The following SAMD8 variants were observed in gnomAD, a reference collection of about 807,000 sequenced individuals.
SAMD8 encodes the protein sphingomyelin synthase-related protein 1.
Under a neutral mutation model 42.0 loss-of-function variants are expected in SAMD8, and 20 were observed. That is an observed-to-expected ratio of 0.48 (90% CI 0.34 to 0.69). The LOEUF (loss-of-function observed/expected upper bound fraction) is 0.69. Among genes scored for constraint, SAMD8 ranks in the 30% least tolerant of loss-of-function variants. The probability of loss-of-function intolerance (pLI) is 0.01; values close to 1 mark genes in which losing one functional copy is unlikely to be tolerated. For missense variants in SAMD8, 328 were observed against 511.6 expected (o/e 0.64, Z 3.46); for synonymous variants, 162 against 173.0 (o/e 0.94, Z 0.50).
intron 1 of SAMD8, among the ~76,000 whole-genome samples, chr10:75,119,277 A>C (rs7072512): frequency 0.56 from 84,221 of 151,620 alleles, 25,228 homozygotes; most frequent in East Asian, 0.9. Flanking sequence ...GCCTCAGCCT[A>C]CTGAGTAGCT....
intron 1 of SAMD8, among the ~76,000 whole-genome samples, chr10:75,100,300 G>A (rs1383746886): frequency 2.0e-5 from 3 of 152,086 alleles, no homozygotes; most frequent in East Asian, 1.9e-4. Flanking sequence ...TGGACTTAGC[G>A]CTATGCCTGG....
At chr10:75,121,146 C>A (rs974353322) in intron 1 of SAMD8, among the ~76,000 whole-genome samples, 5 of 152,190 alleles carry the variant, frequency 3.3e-5, no homozygotes, top group Admixed American at 3.3e-4. Context: ...ATGTATAATT[C>A]CATGCAATCT....
upstream of SAMD8, among the ~76,000 whole-genome samples, chr10:75,107,336 C>T (rs1036729156): frequency 1.3e-5 from 2 of 148,974 alleles, no homozygotes; most frequent in African/African-American, 5.0e-5. Flanking sequence ...AGCACTGAGA[C>T]TCTGTCTCAG....
At chr10:75,107,643 C>G, upstream of SAMD8, among the ~76,000 whole-genome samples, 1 of 152,026 alleles carries the variant, frequency 6.6e-6, no homozygotes, top group East Asian at 1.9e-4. Context: ...GTGGCATGAT[C>G]TCGGCTCACT....
At position 75,182,023 on chromosome 10, in the gene SAMD8, G is replaced by C. The variant is rs1454244711; in HGVS notation, c.*5331G>C. On this transcript the variant is annotated 3_prime_UTR_variant, in exon 6 of 6. Coordinates refer to ENST00000542569, the MANE Select transcript of SAMD8 (RefSeq NM_001174156.2). ...GTGTTTGTACATAAGTAAATATCTT[G>C]ATTCTAAATTAAATCCAGATTTAAC... The C allele has an allele frequency of 2.6e-5, 4 of 152,040 alleles. No homozygotes were observed. Among genetic ancestry groups the C allele is most frequent in the Non-Finnish European group, 2.9e-5 (2 of 68,012 alleles). 9.4% of individuals were successfully genotyped at this position (152,040 alleles called of 1,614,324 possible). A position where few individuals can be genotyped will look rare whatever the true frequency, so the allele number is the denominator to read the frequency against.
intron 1 of SAMD8, among the ~76,000 whole-genome samples, chr10:75,146,292 T>TTG (rs1840131800): frequency 7.0e-6 from 1 of 143,868 alleles, no homozygotes; most frequent in African/African-American, 2.6e-5. Context: ...TTTTTTTTTT[T>TTG]TTTTTTTTGG....
chr10:75,111,408 T>A, upstream of SAMD8: 1 of 847,348 alleles, frequency 1.2e-6, no homozygotes, highest in Non-Finnish European at 1.6e-6. Flanking sequence ...CGGGCCCATC[T>A]GGAGCCTCGC....
chr10:75,138,368 G>A (rs894540350), intron 1 of SAMD8, among the ~76,000 whole-genome samples: 2 of 152,192 alleles, frequency 1.3e-5, no homozygotes, highest in Admixed American at 1.3e-4. Flanking sequence ...AGTTGGAGAG[G>A]TAGGGTGGGG....
rs1342691137 is a variant in SAMD8, at chr10:75,176,293, T to G, written c.943+77T>G. 1 of 1,608,596 alleles carries G rather than the reference T, an allele frequency of 6.2e-7. No individual in the cohort carries two copies. Among genetic ancestry groups the G allele is most frequent in the South Asian group, 1.1e-5 (1 of 90,412 alleles). On this transcript the variant is annotated intron_variant, in intron 5 of 5. Coordinates refer to ENST00000542569, the MANE Select transcript of SAMD8 (RefSeq NM_001174156.2). The surrounding 1 kb of genome is among the most constrained non-coding windows in gnomAD (Gnocchi z 4.3). The stretch of plus-strand genomic sequence containing the variant: ...AGGCTGTGGGAAGGGTGTCAGATCC[T>G]GTGAAGAATGGCAAAACAGCCTGAC...
At chr10:75,164,821 A>G in intron 3 of SAMD8, 81 bp downstream of exon 3, 1 of 1,033,614 alleles carries the variant, frequency 9.7e-7, no homozygotes, top group Non-Finnish European at 1.5e-6. Flanking sequence ...TTCTCTTTGC[A>G]GTTTCCTTGT....
chr10:75,169,915 AAAAC>A (rs768899818), intron 4 of SAMD8, among the ~76,000 whole-genome samples: 10 of 152,336 alleles, frequency 6.6e-5, no homozygotes, highest in South Asian at 2.1e-4. Flanking sequence ...ATCTCAAAAC[AAAAC>A]AAACAAACAA....
rs534298907 is a variant in SAMD8, at chr10:75,112,999, C to T, written c.-16+1277C>T. ...TATCTCTTGAAAATTGGAGAGGTAC[C>T]TTTGACTGATTGGCAAAACCAATAT... On this transcript the variant is annotated intron_variant, in intron 1 of 5. Coordinates refer to ENST00000542569, the MANE Select transcript of SAMD8 (RefSeq NM_001174156.2). 7.9e-5 allele frequency among the ~76,000 whole-genome samples: 12 copies of T among 152,222 alleles called. No individual in the cohort carries two copies. In the East Asian group the frequency reaches 2.3e-3, roughly 29 times the overall value.
intron 1 of SAMD8, among the ~76,000 whole-genome samples, chr10:75,127,015 G>A (rs1475965241): frequency 1.3e-5 from 2 of 151,818 alleles, no homozygotes; most frequent in African/African-American, 2.4e-5. Context: ...TGGTGAAAAC[G>A]TGTCTCTACT....
chr10:75,142,768 A>C (rs927999203), intron 1 of SAMD8, among the ~76,000 whole-genome samples: 2 of 151,796 alleles, frequency 1.3e-5, no homozygotes, highest in African/African-American at 4.8e-5. Flanking sequence ...GGCCGGGTGC[A>C]GTGCCTCCCA....
chr10:75,147,350 G>A (rs554981761), intron 1 of SAMD8, among the ~76,000 whole-genome samples: 3 of 151,996 alleles, frequency 2.0e-5, no homozygotes, highest in East Asian at 3.9e-4. Context: ...TTTTTGAGAC[G>A]GAGTCTTACT....
At chr10:75,111,441 C>T (rs1381563296), upstream of SAMD8, 2 of 1,101,418 alleles carry the variant, frequency 1.8e-6, no homozygotes, top group African/African-American at 3.2e-5. Flanking sequence ...GTGGGCCCCG[C>T]CCCCTGCCGG....
At chr10:75,100,378 T>A (rs1589895902) in intron 1 of SAMD8, among the ~76,000 whole-genome samples, 1 of 152,214 alleles carries the variant, frequency 6.6e-6, no homozygotes, top group Non-Finnish European at 1.5e-5. Context: ...TCTAACCCAC[T>A]GGGACCCAGC....
chr10:75,135,149 C>T (rs1362296832), intron 1 of SAMD8, among the ~76,000 whole-genome samples: 1 of 152,080 alleles, frequency 6.6e-6, no homozygotes, highest in African/African-American at 2.4e-5. Context: ...ACAGTGTATA[C>T]ATGTATTAAC....
At chr10:75,161,041 C>T (rs1840545610) in intron 2 of SAMD8, among the ~76,000 whole-genome samples, 1 of 152,006 alleles carries the variant, frequency 6.6e-6, no homozygotes. Flanking sequence ...GTACTGCAGC[C>T]TGGGCCGCAG....
Sources: allele counts gnomAD v4.1 joint callset (sites outside exome capture counted in the v4.1 genomes callset), GRCh38; gene constraint gnomAD v4.1.1; non-coding constraint Gnocchi (gnomAD v3.1); transcripts MANE v1.5; gene names NCBI Gene and HGNC (gene_info 2026-07-23, HGNC 2026-07-21).